Variants in CNBD2 observed in about 807,000 individuals in gnomAD.
CNBD2 encodes cyclic nucleotide-binding domain-containing protein 2.
In CNBD2, 64 loss-of-function variants were observed where a neutral mutation model predicts 63.7. That is an observed-to-expected ratio of 1.00 (90% confidence interval 0.82 to 1.24). The LOEUF (loss-of-function observed/expected upper bound fraction) is 1.24. Among genes scored for constraint, CNBD2 ranks in the 50% most tolerant of loss-of-function variants. The probability of loss-of-function intolerance (pLI) is 0.00; values close to 1 mark genes in which losing one functional copy is unlikely to be tolerated. For synonymous variants in CNBD2, 229 were observed against 255.4 expected (o/e 0.90, Z 0.99); for missense variants, 691 against 713.5 (o/e 0.97, Z 0.36).
At chr20:35,984,553 G>A (rs570328931) in intron 5 of CNBD2, 74 bp from the exon 6 acceptor site, 19 of 1,503,150 alleles carry the variant, frequency 1.3e-5, no homozygotes, top group Non-Finnish European at 1.5e-5. Flanking sequence ...ATGGAGGCAC[G>A]GAAGATGTGT....
At chr20:35,994,862 G>A (rs1028293532) in intron 7 of CNBD2, among the ~76,000 whole-genome samples, 176 bp from the exon 8 acceptor site, 7 of 152,192 alleles carry the variant, frequency 4.6e-5, no homozygotes, top group East Asian at 1.9e-4. Flanking sequence ...GCTCTCCAGC[G>A]TGGGTGACAA....
intron 10 of CNBD2, among the ~76,000 whole-genome samples, chr20:36,014,556 C>G (rs1355056711): frequency 1.3e-5 from 2 of 151,916 alleles, no homozygotes; most frequent in East Asian, 3.9e-4. Flanking sequence ...GTCTGGAACT[C>G]CTGACCTCAT....
exon 1 of CNBD2, chr20:35,954,917 C>T (rs771606119): frequency 8.2e-6 from 2 of 243,416 alleles, no homozygotes; most frequent in Non-Finnish European, 1.8e-5. Flanking sequence ...ACCATTCTCT[C>T]GGGAGGGGCC....
chr20:36,019,569 G>A (rs1426997766), intron 10 of CNBD2, among the ~76,000 whole-genome samples: 1 of 144,588 alleles, frequency 6.9e-6, no homozygotes, highest in African/African-American at 2.5e-5. Context: ...GCTATGGAAC[G>A]ACCTGGCAGA....
chr20:36,013,262 C>T (rs1388198319), intron 10 of CNBD2, among the ~76,000 whole-genome samples: 1 of 151,748 alleles, frequency 6.6e-6, no homozygotes, highest in Non-Finnish European at 1.5e-5. Flanking sequence ...ACTAAAAATA[C>T]AAAAAATTAG....
At position 35,987,597 on chromosome 20, in the gene CNBD2, G is replaced by A. The variant is rs1057022417; in HGVS notation, c.855+64G>A. 5.1e-6 allele frequency: 8 copies of A among 1,562,676 alleles called. No homozygotes were observed. In the East Asian group the frequency reaches 1.8e-4, roughly 35 times the overall value. On this transcript the variant is annotated intron_variant, in intron 7 of 11. Transcript: ENST00000373973. The stretch of plus-strand genomic sequence containing the variant: ...AGGAGCATGCCTAAGATCATGTCCT[G>A]TGACCTGATGGTCAGAGTTTGAGCC...
chr20:35,974,819 G>C (rs967100598), intron 2 of CNBD2: 1 of 152,202 alleles, frequency 6.6e-6, no homozygotes. Flanking sequence ...CCACTGACTT[G>C]CTGTGTGATC....
At chr20:36,018,714 C>A (rs2057168075) in intron 10 of CNBD2, among the ~76,000 whole-genome samples, 1 of 152,208 alleles carries the variant, frequency 6.6e-6, no homozygotes, top group South Asian at 2.1e-4. Context: ...GGAAGTCCAA[C>A]TTCTCCAAGG....
At chr20:35,960,628 C>T (rs1185272354) in intron 2 of CNBD2, among the ~76,000 whole-genome samples, 1 of 152,196 alleles carries the variant, frequency 6.6e-6, no homozygotes, top group Non-Finnish European at 1.5e-5. Context: ...GCTGGGATTA[C>T]AGGCGTGAGC....
chr20:35,992,896 T>C (rs2056767145), intron 7 of CNBD2, among the ~76,000 whole-genome samples: 1 of 152,042 alleles, frequency 6.6e-6, no homozygotes, highest in Non-Finnish European at 1.5e-5. Context: ...TCCTGTAGTT[T>C]ACTCATATTA....
chr20:35,987,364 G>C, intron 6 of CNBD2, 31 bp from the exon 7 acceptor site: 1 of 1,613,206 alleles, frequency 6.2e-7, no homozygotes, highest in Non-Finnish European at 8.5e-7. Flanking sequence ...GTGTGATGGA[G>C]TTGATGAATT....
downstream of CNBD2, among the ~76,000 whole-genome samples, chr20:35,957,150 A>G (rs1341905745): frequency 1.3e-5 from 2 of 152,206 alleles, no homozygotes; most frequent in Non-Finnish European, 2.9e-5. Context: ...GACCTGAGAG[A>G]TCTATTAGAA....
At chr20:36,028,685 G>GTTTTTTT (rs148778050) in intron 11 of CNBD2, among the ~76,000 whole-genome samples, 3 of 140,114 alleles carry the variant, frequency 2.1e-5, no homozygotes, top group Non-Finnish European at 4.5e-5. Context: ...TCACGGGCTG[G>GTTTTTTT]TTTTTTTTGG....
chr20:36,015,682 C>T (rs1385514791), intron 10 of CNBD2, among the ~76,000 whole-genome samples: 1 of 152,044 alleles, frequency 6.6e-6, no homozygotes, highest in East Asian at 1.9e-4. Context: ...TCCCAATGGT[C>T]AAAGCTGAAA....
intron 3 of CNBD2, 98 bp downstream of exon 3, chr20:35,976,100 A>G (rs1373101614): frequency 1.9e-6 from 2 of 1,075,728 alleles, no homozygotes; most frequent in African/African-American, 3.1e-5. Flanking sequence ...GTTTCAGTCT[A>G]GGCTCTGCCA....
downstream of CNBD2, among the ~76,000 whole-genome samples, chr20:35,957,422 A>G: frequency 6.6e-6 from 1 of 151,856 alleles, no homozygotes; most frequent in South Asian, 2.1e-4. Flanking sequence ...CCCTGTCTCT[A>G]CTAAAAATAC....
chr20:36,029,527 C>A (rs969720434), intron 11 of CNBD2, among the ~76,000 whole-genome samples: 7 of 152,134 alleles, frequency 4.6e-5, no homozygotes, highest in African/African-American at 1.7e-4. Flanking sequence ...TTTCAAACTA[C>A]CAACCTGCTG....
upstream of CNBD2, among the ~76,000 whole-genome samples, chr20:35,965,492 ATTGT>A (rs2056339057): frequency 6.6e-6 from 1 of 152,246 alleles, no homozygotes; most frequent in Admixed American, 6.5e-5. Flanking sequence ...CTTCTCATAA[ATTGT>A]TTGTGGAATT....
chr20:35,986,728 C>T (rs1003288036), intron 6 of CNBD2, among the ~76,000 whole-genome samples: 5 of 152,172 alleles, frequency 3.3e-5, no homozygotes, highest in African/African-American at 1.2e-4. Context: ...AAGTTCTGAG[C>T]CCTTAACCTG....
Sources: allele counts gnomAD v4.1 joint callset (sites outside exome capture counted in the v4.1 genomes callset), GRCh38; gene constraint gnomAD v4.1.1; transcripts MANE v1.5; gene names NCBI Gene and HGNC (gene_info 2026-07-23, HGNC 2026-07-21).